CCT6B: variants seen among roughly 807,000 people sequenced by gnomAD.
CCT6B encodes the protein chaperonin containing TCP1 subunit 6B, also known as probable T-complex protein 1 subunit zeta-2.
In CCT6B, 49 loss-of-function variants were observed where a neutral mutation model predicts 61.5. The observed-to-expected ratio is 0.80, with a 90% CI of 0.63 to 1.01. CCT6B has a LOEUF of 1.01. Ranked by LOEUF, CCT6B falls within the 50% of genes least tolerant of loss-of-function variation. The pLI, the probability that CCT6B is intolerant of heterozygous loss-of-function variation, is 0.00. For synonymous variants in CCT6B, 228 were observed against 214.5 expected (o/e 1.06, Z -0.55); for missense variants, 666 against 634.7 (o/e 1.05, Z -0.53).
At chr17:34,935,696 A>C (rs2090085768) in intron 10 of CCT6B, among the ~76,000 whole-genome samples, 2 of 152,006 alleles carry the variant, frequency 1.3e-5, no homozygotes, top group Admixed American at 1.3e-4. Context: ...TCTCTACTGA[A>C]ACATACCAAA....
chr17:34,948,059 T>C (rs1264513558), intron 5 of CCT6B, among the ~76,000 whole-genome samples: 1 of 152,078 alleles, frequency 6.6e-6, no homozygotes, highest in African/African-American at 2.4e-5. Flanking sequence ...GCTTTTTTTA[T>C]TGTAATAGCT....
intron 1 of CCT6B, 43 bp downstream of exon 1, chr17:34,961,214 C>G (rs781695366): frequency 6.4e-7 from 1 of 1,564,272 alleles, no homozygotes; most frequent in Admixed American, 1.8e-5. Context: ...AGGACACCAA[C>G]GGGCCCCTAG....
intron 4 of CCT6B, among the ~76,000 whole-genome samples, chr17:34,953,318 A>AATATATATATATATAT (rs757786280): frequency 2.8e-5 from 4 of 141,128 alleles, no homozygotes; most frequent in Non-Finnish European, 6.1e-5. Flanking sequence ...CTTTATATAA[A>AATATATATATATATAT]ATATATATAT....
At chr17:34,949,693 A>C (rs1156270990) in intron 5 of CCT6B, 1 of 152,216 alleles carries the variant, frequency 6.6e-6, no homozygotes, top group Non-Finnish European at 1.5e-5. Context: ...AATGCACCAG[A>C]AAATATGTAA....
At chr17:34,948,195 C>T (rs907490786) in intron 5 of CCT6B, among the ~76,000 whole-genome samples, 4 of 152,166 alleles carry the variant, frequency 2.6e-5, no homozygotes, top group African/African-American at 9.6e-5. Flanking sequence ...ATCCCTCATC[C>T]TTCTCCCACC....
Position 34,940,558 on chromosome 17 carries a change from T to C in CCT6B, c.949A>G (p.Lys317Glu). Residue 317 changes from lysine to glutamate, a missense_variant, in exon 8 of 14, where the codon AAA becomes GAA. By Grantham distance (56) the Lys-to-Glu change is moderately conservative. Coordinates refer to ENST00000314144, the MANE Select transcript of CCT6B (RefSeq NM_006584.4). ...GCTTACCTTTCCATATTTCTTCTTT[T>C]TGCTCTGCGAAGAGCTACTATTCCA... The part of the protein sequence containing the change: ...KHGIVALRRA[K>E]RRNMERLSLA... 1 of 1,578,384 alleles carries C rather than the reference T, an allele frequency of 6.3e-7. No homozygotes were observed. The highest frequency in any genetic ancestry group is 1.2e-5 in the South Asian group (1 of 86,778).
intron 4 of CCT6B, among the ~76,000 whole-genome samples, 173 bp from the exon 5 acceptor site, chr17:34,952,226 G>A (rs2090300119): frequency 6.6e-6 from 1 of 152,220 alleles, no homozygotes; most frequent in Non-Finnish European, 1.5e-5. Flanking sequence ...AATGCCAACA[G>A]ACACTTTAGA....
chr17:34,935,203 C>T (rs2090080287), intron 10 of CCT6B, among the ~76,000 whole-genome samples: 1 of 152,008 alleles, frequency 6.6e-6, no homozygotes, highest in Non-Finnish European at 1.5e-5. Context: ...AGAGTAAACT[C>T]ATAGAGACAG....
chr17:34,960,723 C>T (rs556497181), intron 1 of CCT6B, among the ~76,000 whole-genome samples: 3 of 152,282 alleles, frequency 2.0e-5, no homozygotes, highest in African/African-American at 7.2e-5. Context: ...CTTTTGCCCT[C>T]ACTGGTCTCT....
At chr17:34,939,565 A>C (rs2090136327) in intron 9 of CCT6B, 52 bp downstream of exon 9, 3 of 1,171,276 alleles carry the variant, frequency 2.6e-6, no homozygotes, top group African/African-American at 3.1e-5. Flanking sequence ...TTTTTCTTTA[A>C]AAAAGGGGGC....
At chr17:34,942,692 AAAAG>A in intron 6 of CCT6B, 49 bp from the exon 7 acceptor site, 1 of 1,527,056 alleles carries the variant, frequency 6.5e-7, no homozygotes, top group Non-Finnish European at 8.9e-7. Flanking sequence ...GAAAAAGGAA[AAAAG>A]ATAGAAGTAG....
At position 34,936,038 on chromosome 17, in the gene CCT6B, C is replaced by A. The variant is rs555119249; in HGVS notation, c.1213+3145G>T. 1.7e-4 allele frequency among the ~76,000 whole-genome samples: 26 copies of A among 152,138 alleles called. No individual in the cohort carries two copies. In the East Asian group the frequency reaches 4.8e-3, roughly 28 times the overall value. ...CGATCTCGGCTCACTACAACCTCCA[C>A]CTCCCAGGTTCAAGCAATTCTCCTG... On this transcript the variant is annotated intron_variant, in intron 10 of 13. Coordinates refer to ENST00000314144, the MANE Select transcript of CCT6B (RefSeq NM_006584.4).
rs753351932 is a variant in CCT6B, at chr17:34,939,627, T to G, written c.1055A>C (p.Glu352Ala). The change falls in exon 9 of 14, where the codon GAG becomes GCG. Residue 352 changes from glutamate (E) to alanine (A), a missense_variant. Glu to Ala is a moderately radical substitution (Grantham distance 107, BLOSUM62 -1). Coordinates refer to ENST00000314144, the MANE Select transcript of CCT6B (RefSeq NM_006584.4). ...CATAGAAATACTCACTAATGTATAC[T>G]CATACACAAGACCAGCATGTCCCAA... is the stretch of plus-strand genomic sequence containing the variant. ...DCLGHAGLVY[E>A]YTLGEEKFTF... The G allele has an allele frequency of 7.5e-6, 12 of 1,596,102 alleles. No homozygotes were observed. The East Asian group carries it at 2.5e-4, about 33-fold the overall frequency.
At chr17:34,946,559 CAAG>C (rs2090226192) in intron 5 of CCT6B, among the ~76,000 whole-genome samples, 1 of 151,958 alleles carries the variant, frequency 6.6e-6, no homozygotes, top group Non-Finnish European at 1.5e-5. Flanking sequence ...ATAAAAAATT[CAAG>C]AAAACAACAG....
chr17:34,954,513 CT>C lies in CCT6B; in HGVS notation c.422del (p.Lys141ArgfsTer3), dbSNP rs2090327705. Reference sequence around the variant, plus strand: ...CTAAGAGGATTTTTCTTTTCATCTCCTTTGTCACTTTAACTTCCTCCAAAAC... The same window carrying C: ...CTAAGAGGATTTTTCTTTTCATCTCCTTGTCACTTTAACTTCCTCCAAAAC... ...LEVLEEVKVT[K>X]EMKRKILLDV... On this transcript the variant is annotated frameshift_variant, in exon 4 of 14. Coordinates refer to ENST00000314144, the MANE Select transcript of CCT6B (RefSeq NM_006584.4). LOFTEE classifies it high-confidence loss of function. 1.9e-6 allele frequency: 3 copies of C among 1,613,392 alleles called. No homozygotes were observed. The highest frequency in any genetic ancestry group is 1.7e-6 in the Non-Finnish European group (2 of 1,179,656).
chr17:34,933,993 G>T (rs1248481529), intron 10 of CCT6B, among the ~76,000 whole-genome samples: 1 of 152,022 alleles, frequency 6.6e-6, no homozygotes. Context: ...GCCAGGTTTG[G>T]TGGCACACAC....
intron 7 of CCT6B, among the ~76,000 whole-genome samples, chr17:34,941,358 T>C (rs2090161719): frequency 6.6e-6 from 1 of 152,224 alleles, no homozygotes; most frequent in Non-Finnish European, 1.5e-5. Flanking sequence ...AAATGTTGTG[T>C]TATACATGTA....
chr17:34,942,689 G>GA, intron 6 of CCT6B, 46 bp from the exon 7 acceptor site: 1 of 1,527,250 alleles, frequency 6.5e-7, no homozygotes, highest in Non-Finnish European at 8.8e-7. Flanking sequence ...GAGGAAAAAG[G>GA]AAAAAAGATA....
chr17:34,957,121 T>C (rs1567674151), intron 3 of CCT6B, among the ~76,000 whole-genome samples: 1 of 147,812 alleles, frequency 6.8e-6, no homozygotes, highest in African/African-American at 2.5e-5. Context: ...TCTTACTTTC[T>C]TTTTCTTTCC....
Sources: gnomAD v4.1 joint callset for allele counts (sites outside exome capture counted in the v4.1 genomes callset) on GRCh38, gnomAD v4.1.1 for gene constraint, MANE v1.5 for transcripts, NCBI Gene and HGNC (gene_info 2026-07-23, HGNC 2026-07-21) for gene names.